The following BORCS5 variants were observed in gnomAD, a reference collection of about 807,000 sequenced individuals.
BORCS5 encodes BLOC-1-related complex subunit 5.
A neutral mutation model predicts 22.1 loss-of-function variants in BORCS5; 17 were observed. The ratio of observed to expected loss-of-function variants is 0.77; its 90% CI spans 0.53 to 1.15. The LOEUF (loss-of-function observed/expected upper bound fraction) is 1.15, where lower values mean the gene tolerates loss of function less well. BORCS5 is among the 50% of genes most tolerant of loss of function. BORCS5 has a pLI of 0.00. For missense variants in BORCS5, 247 were observed against 253.2 expected (o/e 0.98, Z 0.17); for synonymous variants, 117 against 99.8 (o/e 1.17, Z -1.03).
intron 2 of BORCS5, among the ~76,000 whole-genome samples, chr12:12,373,142 A>G (rs1268951335): frequency 6.6e-6 from 1 of 152,116 alleles, no homozygotes; most frequent in African/African-American, 2.4e-5. Context: ...AAGAGAGGGG[A>G]GAGAGGTTCC....
chr12:12,369,701 A>AC (rs975766203), intron 2 of BORCS5, among the ~76,000 whole-genome samples: 6 of 84,778 alleles, frequency 7.1e-5, no homozygotes, highest in Admixed American at 1.3e-4. Flanking sequence ...GGTTTCATTC[A>AC]CCCCCCACTT....
intron 3 of BORCS5, among the ~76,000 whole-genome samples, chr12:12,448,493 G>A (rs1942834358): frequency 6.6e-6 from 1 of 150,882 alleles, no homozygotes; most frequent in African/African-American, 2.4e-5. Flanking sequence ...GGGATTACAG[G>A]CGTGAGTCAC....
chr12:12,441,149 G>A (rs750913016), intron 3 of BORCS5, among the ~76,000 whole-genome samples: 2 of 152,168 alleles, frequency 1.3e-5, no homozygotes, highest in African/African-American at 2.4e-5. Context: ...GCACAGATCG[G>A]TCACACCCAG....
At chr12:12,381,825 T>A (rs1309146208) in intron 2 of BORCS5, among the ~76,000 whole-genome samples, 3 of 151,506 alleles carry the variant, frequency 2.0e-5, no homozygotes, top group Non-Finnish European at 4.4e-5. Context: ...TTTTGTATAT[T>A]CTTACTGATT....
In BORCS5 at chr12:12,357,372, C is replaced by CT. The variant is rs1863164614; in HGVS notation, c.-79dup. ...CTGCTTTGCCTCCCCGTCCCGGTCC[C>CT]TGGCCCCTGCCCTGTCGCCCGCCGC... On this transcript the variant is annotated 5_prime_UTR_variant, in exon 1 of 4. Coordinates refer to ENST00000314565, the MANE Select transcript of BORCS5 (RefSeq NM_058169.6). 6.5e-6 allele frequency: 10 copies of CT among 1,548,966 alleles called. No individual in the cohort carries two copies. Among genetic ancestry groups the CT allele is most frequent in the Non-Finnish European group, 8.7e-6 (10 of 1,143,010 alleles).
chr12:12,385,051 C>T (rs1464397510), intron 2 of BORCS5, among the ~76,000 whole-genome samples: 2 of 151,554 alleles, frequency 1.3e-5, no homozygotes, highest in African/African-American at 4.8e-5. Context: ...CTGTAAATGG[C>T]TCTGCGTGGC....
chr12:12,462,913 TC>T (rs1943136909), intron 3 of BORCS5, among the ~76,000 whole-genome samples: 1 of 103,646 alleles, frequency 9.6e-6, no homozygotes, highest in Non-Finnish European at 2.0e-5. Flanking sequence ...CTCCTCAGCC[TC>T]CCAAAGTTCT....
chr12:12,429,107 C>T lies in BORCS5; in HGVS notation c.203-6521C>T, dbSNP rs75380088. Among the ~76,000 whole-genome samples the T allele has an allele frequency of 2.0e-3, 310 of 152,162 alleles. 2 individuals are homozygous for T. The highest frequency in any genetic ancestry group is 7.2e-3 in the African/African-American group (297 of 41,500). On this transcript the variant is annotated intron_variant, in intron 2 of 3. Transcript: ENST00000314565. ...TGAGCAAACAGGCAAGTGCACAACT[C>T]ATTGAAAGCATTCCAAAAATTTAAA...
At chr12:12,434,765 TTTAA>T (rs1347256793) in intron 2 of BORCS5, among the ~76,000 whole-genome samples, 34 of 152,364 alleles carry the variant, frequency 2.2e-4, no homozygotes, top group African/African-American at 8.2e-4. Flanking sequence ...TGTTCTCAGT[TTTAA>T]TTTTTATAGG....
At chr12:12,402,960 C>T (rs1049938397) in intron 2 of BORCS5, among the ~76,000 whole-genome samples, 1 of 152,092 alleles carries the variant, frequency 6.6e-6, no homozygotes, top group African/African-American at 2.4e-5. Context: ...AGAAAACTTC[C>T]AAAGTGTTTA....
At chr12:12,429,064 G>C (rs1321836639) in intron 2 of BORCS5, among the ~76,000 whole-genome samples, 1 of 152,202 alleles carries the variant, frequency 6.6e-6, no homozygotes, top group Non-Finnish European at 1.5e-5. Context: ...CATTGGACAG[G>C]AGGGAGATGG....
chr12:12,360,990 A>G (rs1863270988), intron 1 of BORCS5, among the ~76,000 whole-genome samples: 1 of 152,142 alleles, frequency 6.6e-6, no homozygotes, highest in Non-Finnish European at 1.5e-5. Flanking sequence ...CAAAGTGCTA[A>G]GATTACATGC....
At chr12:12,427,843 C>G (rs1942328119) in intron 2 of BORCS5, among the ~76,000 whole-genome samples, 1 of 152,182 alleles carries the variant, frequency 6.6e-6, no homozygotes, top group Admixed American at 6.5e-5. Flanking sequence ...TCTCACATCT[C>G]TTCTTCTAGT....
rs868097701 is a variant in BORCS5, at chr12:12,427,633, T to C, written c.203-7995T>C. On this transcript the variant is annotated intron_variant, in intron 2 of 3. Coordinates refer to ENST00000314565, the MANE Select transcript of BORCS5 (RefSeq NM_058169.6). ...TTGTTTTTGGGGGTATCATAGTCAA[T>C]TTGGGCTCCTATAACAGAATACCAT... 2.2e-4 allele frequency among the ~76,000 whole-genome samples: 34 copies of C among 152,288 alleles called. 2 individuals carry two copies. The Middle Eastern group carries it at 0.014, about 61-fold the overall frequency.
chr12:12,386,300 C>T (rs188523661), intron 2 of BORCS5, among the ~76,000 whole-genome samples: 39 of 150,340 alleles, frequency 2.6e-4, no homozygotes, highest in African/African-American at 9.6e-4. Flanking sequence ...TGTGCCTGGC[C>T]CCCCATTTGC....
chr12:12,418,490 G>T (rs1418432556), intron 2 of BORCS5, among the ~76,000 whole-genome samples: 1 of 152,136 alleles, frequency 6.6e-6, no homozygotes, highest in African/African-American at 2.4e-5. Flanking sequence ...TTTGAGACTA[G>T]CCTGGGCAAC....
intron 2 of BORCS5, among the ~76,000 whole-genome samples, chr12:12,423,376 A>G (rs967665217): frequency 2.0e-5 from 3 of 148,152 alleles, no homozygotes; most frequent in Middle Eastern, 3.6e-3. Flanking sequence ...TTTCATTTCA[A>G]CCTGCAGGAC....
At chr12:12,375,806 TTTG>T (rs1863636527) in intron 2 of BORCS5, among the ~76,000 whole-genome samples, 2 of 145,670 alleles carry the variant, frequency 1.4e-5, no homozygotes, top group African/African-American at 5.6e-5. Flanking sequence ...CATGGTTTTT[TTTG>T]TTTGTTGTTG....
At chr12:12,416,620 T>C (rs1941963985) in intron 2 of BORCS5, among the ~76,000 whole-genome samples, 1 of 151,764 alleles carries the variant, frequency 6.6e-6, no homozygotes, top group Admixed American at 6.6e-5. Context: ...TTTTTAATTT[T>C]TATTTATTTA....
Sources: gnomAD v4.1 joint callset for allele counts (sites outside exome capture counted in the v4.1 genomes callset) on GRCh38, gnomAD v4.1.1 for gene constraint, MANE v1.5 for transcripts, NCBI Gene and HGNC (gene_info 2026-07-23, HGNC 2026-07-21) for gene names.